Variants in RERE observed in about 807,000 individuals in gnomAD.
RERE encodes arginine-glutamic acid dipeptide repeats.
Under a neutral mutation model 146.1 loss-of-function variants are expected in RERE, and 40 were observed. The observed-to-expected ratio is 0.27, with a 90% CI of 0.21 to 0.36. RERE has a LOEUF of 0.36. Among genes scored for constraint, RERE ranks in the 10% least tolerant of loss-of-function variants. RERE has a pLI of 1.00. For synonymous variants in RERE, 1,003 were observed against 866.0 expected (o/e 1.16, Z -2.78); for missense variants, 1,933 against 2,138.7 (o/e 0.90, Z 1.90).
At chr1:8,527,319 T>C (rs1401289223) in intron 7 of RERE, among the ~76,000 whole-genome samples, 2 of 152,324 alleles carry the variant, frequency 1.3e-5, no homozygotes, top group East Asian at 1.9e-4. Context: ...CCAAAACTGC[T>C]GTTACTACCA....
chr1:8,516,958 G>C (rs1048271577), intron 7 of RERE, among the ~76,000 whole-genome samples: 3 of 152,166 alleles, frequency 2.0e-5, no homozygotes, highest in African/African-American at 4.8e-5. Flanking sequence ...GAGAGGGAGG[G>C]AGGCGGAGGG....
At chr1:8,553,451 C>A (rs545934484) in intron 6 of RERE, among the ~76,000 whole-genome samples, 1 of 152,282 alleles carries the variant, frequency 6.6e-6, no homozygotes, top group South Asian at 2.1e-4. Flanking sequence ...CGTGACACTG[C>A]ACCACTGGAT....
At chr1:8,814,616 C>T (rs529504694) in intron 1 of RERE, among the ~76,000 whole-genome samples, 3 of 152,336 alleles carry the variant, frequency 2.0e-5, no homozygotes, top group African/African-American at 7.2e-5. Context: ...CTCTACCCCT[C>T]TACCTGGTTT....
chr1:8,373,003 C>A (rs1341143598), intron 12 of RERE, among the ~76,000 whole-genome samples: 1 of 152,218 alleles, frequency 6.6e-6, no homozygotes, highest in East Asian at 1.9e-4. Flanking sequence ...AACACAATTT[C>A]TTTCCGAAGC....
In RERE at chr1:8,364,643, AAGT is replaced by A; in HGVS notation, c.1540+100_1540+102del. ...CGAAGCACAATGCAAATGTCAAATC[AAGT>A]ACTGTCCCTGGCAGGTTTCCAGCTG... On this transcript the variant is annotated intron_variant, in intron 14 of 22. Transcript: ENST00000400908. The surrounding 1 kb of genome is among the most constrained non-coding windows in gnomAD (Gnocchi z 5.1). 1 of 808,160 alleles carries A rather than the reference AAGT, an allele frequency of 1.2e-6. No individual in the cohort carries two copies. The allele number at this position is 808,160 out of a possible 1,614,324, so 50.1% of individuals were successfully genotyped here. A position where few individuals can be genotyped will look rare whatever the true frequency, so the allele number is the denominator to read the frequency against.
rs1012271826 is a variant in RERE, at chr1:8,409,257, G to A, written c.1284+13470C>T. On this transcript the variant is annotated intron_variant, in intron 12 of 22. Transcript: ENST00000400908. Reference sequence around the variant, plus strand: ...TTCATGTTTAGCCCCGACAATGGTTGTAAAGCTGAGCTATCTACCATAACT... The same window carrying A: ...TTCATGTTTAGCCCCGACAATGGTTATAAAGCTGAGCTATCTACCATAACT... 2.6e-5 allele frequency among the ~76,000 whole-genome samples: 4 copies of A among 152,214 alleles called. No individual in the cohort carries two copies. The South Asian group carries it at 8.3e-4, about 32-fold the overall frequency.
intron 1 of RERE, among the ~76,000 whole-genome samples, chr1:8,748,342 C>T (rs1289789884): frequency 2.0e-5 from 3 of 152,152 alleles, no homozygotes; most frequent in Non-Finnish European, 2.9e-5. Context: ...CTCAGCCCCA[C>T]GCCAGATGCC....
At chr1:8,606,889 A>G (rs1235842639) in intron 4 of RERE, among the ~76,000 whole-genome samples, 1 of 152,202 alleles carries the variant, frequency 6.6e-6, no homozygotes, top group East Asian at 1.9e-4. Context: ...AAAACATGAG[A>G]TCAAAGATAA....
chr1:8,418,720 C>T (rs1393575255), intron 12 of RERE, among the ~76,000 whole-genome samples: 1 of 152,160 alleles, frequency 6.6e-6, no homozygotes, highest in African/African-American at 2.4e-5. Context: ...ATAGACAAAT[C>T]AAACAAAAAA....
chr1:8,438,191 T>C (rs1229465040), intron 11 of RERE, among the ~76,000 whole-genome samples: 2 of 152,164 alleles, frequency 1.3e-5, no homozygotes, highest in African/African-American at 2.4e-5. Context: ...GTTCTCACTA[T>C]GTTGCCCAGG....
chr1:8,631,483 C>A (rs1475101900), intron 2 of RERE, among the ~76,000 whole-genome samples: 1 of 152,164 alleles, frequency 6.6e-6, no homozygotes, highest in East Asian at 1.9e-4. Flanking sequence ...CTTCCCAAAT[C>A]AATCATATGC....
intron 1 of RERE, among the ~76,000 whole-genome samples, chr1:8,662,270 C>T: frequency 6.6e-6 from 1 of 152,210 alleles, no homozygotes. Flanking sequence ...CATCTTACCT[C>T]TTCAAAATGA....
chr1:8,431,770 C>T (rs1644098773), intron 11 of RERE, among the ~76,000 whole-genome samples: 1 of 152,016 alleles, frequency 6.6e-6, no homozygotes, highest in African/African-American at 2.4e-5. Flanking sequence ...TAAAATTAAC[C>T]TCATGGGCCT....
chr1:8,502,317 GC>G (rs1645179779), intron 8 of RERE, among the ~76,000 whole-genome samples: 1 of 107,408 alleles, frequency 9.3e-6, no homozygotes, highest in Non-Finnish European at 1.9e-5. Context: ...CTGGCGAGCC[GC>G]CCCGTCCGGG....
chr1:8,724,665 C>G (rs541216623), intron 1 of RERE, among the ~76,000 whole-genome samples: 2 of 151,900 alleles, frequency 1.3e-5, no homozygotes, highest in East Asian at 1.9e-4. Flanking sequence ...CCCGTCGCTA[C>G]TAAAAATACA....
intron 1 of RERE, among the ~76,000 whole-genome samples, chr1:8,791,138 G>A (rs1284565986): frequency 6.6e-6 from 1 of 152,152 alleles, no homozygotes; most frequent in Non-Finnish European, 1.5e-5. Context: ...AACTACTAAT[G>A]ACATGGAAAA....
chr1:8,372,293 TA>T (rs1468457998), intron 12 of RERE, among the ~76,000 whole-genome samples: 9 of 152,162 alleles, frequency 5.9e-5, no homozygotes, highest in Admixed American at 2.0e-4. Context: ...AGGAGAAGGT[TA>T]AATCAATGGT....
Position 8,365,718 on chromosome 1 carries a change from C to T in RERE, c.1447+94G>A, listed in dbSNP as rs145365855. 5,967 of 1,426,630 alleles carry T rather than the reference C, an allele frequency of 4.2e-3. 29 individuals are homozygous for T. Among genetic ancestry groups the T allele is most frequent in the Middle Eastern group, 0.017 (79 of 4,530 alleles). The allele number at this position is 1,426,630 out of a possible 1,614,324, so 88.4% of individuals were successfully genotyped here. On this transcript the variant is annotated intron_variant, in intron 13 of 22. Transcript: ENST00000400908. ...CACGGGTGCACACCCCCTCATGCTTCCCGGAGCCATCAGCTCCTACGGGCC... is the reference window on the plus strand; with the variant it reads ...CACGGGTGCACACCCCCTCATGCTTTCCGGAGCCATCAGCTCCTACGGGCC...
intron 1 of RERE, among the ~76,000 whole-genome samples, chr1:8,705,296 A>G (rs561488403): frequency 2.9e-4 from 44 of 152,242 alleles, no homozygotes; most frequent in African/African-American, 1.0e-3. Context: ...CCTGCTGCTA[A>G]TCCAACCTGC....
Sources: gnomAD v4.1 joint callset for allele counts (sites outside exome capture counted in the v4.1 genomes callset) on GRCh38, gnomAD v4.1.1 for gene constraint, Gnocchi (gnomAD v3.1) non-coding constraint, MANE v1.5 for transcripts, NCBI Gene and HGNC (gene_info 2026-07-23, HGNC 2026-07-21) for gene names.